The following TNFAIP1 variants were observed in gnomAD, a reference collection of about 807,000 sequenced individuals.
The protein encoded by TNFAIP1 is TNF alpha induced protein 1, also known as BTB/POZ domain-containing adapter for CUL3-mediated RhoA degradation protein 2.
TNFAIP1 carries 20 observed loss-of-function variants against 32.6 expected under a neutral mutation model. That is an observed-to-expected ratio of 0.61 (90% CI 0.43 to 0.89). The LOEUF (loss-of-function observed/expected upper bound fraction) is 0.89. TNFAIP1 is among the 40% of genes least tolerant of loss of function. TNFAIP1 has a pLI of 0.00. For missense variants in TNFAIP1, 319 were observed against 425.1 expected (o/e 0.75, Z 2.20); for synonymous variants, 166 against 166.8 (o/e 1.00, Z 0.04).
Position 28,340,226 on chromosome 17 carries a change from G to A in TNFAIP1, c.206-83G>A. On this transcript the variant is annotated intron_variant, in intron 2 of 6. Coordinates refer to ENST00000226225, the MANE Select transcript of TNFAIP1 (RefSeq NM_021137.5). This position sits in a 1 kb window ranked among gnomAD's most constrained non-coding sequence, Gnocchi z 4.1. Reference sequence around the variant, plus strand: ...TCGTGGACCCCCTTCCCTGCCACCTGCCGCCAGCTTGTCAGGTGGCCTTTG... The same window carrying A: ...TCGTGGACCCCCTTCCCTGCCACCTACCGCCAGCTTGTCAGGTGGCCTTTG... The A allele has an allele frequency of 6.8e-7, 1 of 1,472,140 alleles. No individual in the cohort carries two copies. The highest frequency in any genetic ancestry group is 9.4e-7 in the Non-Finnish European group (1 of 1,068,434). The allele number at this position is 1,472,140 out of a possible 1,614,324, so 91.2% of individuals were successfully genotyped here.
In TNFAIP1 at chr17:28,341,411, TGAAGCTGCTGTACAACA is replaced by T. The variant is rs781919082; in HGVS notation, c.479_495del (p.Leu160GlnfsTer11). On this transcript the variant is annotated frameshift_variant, in exon 5 of 7. Coordinates refer to ENST00000226225, the MANE Select transcript of TNFAIP1 (RefSeq NM_021137.5). LOFTEE classifies it high-confidence loss of function. ...CTCTGAACTCCTTCACAGCCCGTGGTGAAGCTGCTGTACAACAGAAGCAACAACAAGTATTCCTACAC... is the reference window on the plus strand; with the variant it reads ...CTCTGAACTCCTTCACAGCCCGTGGTGAAGCAACAACAAGTATTCCTACAC... 18 of 1,614,064 alleles carry T rather than the reference TGAAGCTGCTGTACAACA, an allele frequency of 1.1e-5. No individual in the cohort carries two copies. The highest frequency in any genetic ancestry group is 1.6e-4 in the Middle Eastern group (1 of 6,084).
Position 28,340,982 on chromosome 17 carries a change from T to A in TNFAIP1, c.376-255T>A, listed in dbSNP as rs1907342584. On this transcript the variant is annotated intron_variant, in intron 3 of 6. Transcript: ENST00000226225. The surrounding 1 kb of genome is among the most constrained non-coding windows in gnomAD (Gnocchi z 4.1). Reference sequence around the variant, plus strand: ...CTAGTCTCGAACTGCTGGGCTCAAGTGATCTGCCTGCCTCAGCCTCCCAAA... The same window carrying A: ...CTAGTCTCGAACTGCTGGGCTCAAGAGATCTGCCTGCCTCAGCCTCCCAAA... 2.0e-5 allele frequency among the ~76,000 whole-genome samples: 3 copies of A among 152,152 alleles called. No individual in the cohort carries two copies. Among genetic ancestry groups the A allele is most frequent in the Non-Finnish European group, 4.4e-5 (3 of 68,018 alleles).
Position 28,346,362 on chromosome 17 carries a change from G to C in TNFAIP1, c.*1762G>C, listed in dbSNP as rs569505060. Reference sequence around the variant, plus strand: ...GACTTTCCCACAGAGACTGGAATGCGTCAGCCTGAGACCACTGGCCTATTT... The same window carrying C: ...GACTTTCCCACAGAGACTGGAATGCCTCAGCCTGAGACCACTGGCCTATTT... On this transcript the variant is annotated 3_prime_UTR_variant, in exon 7 of 7. Coordinates refer to ENST00000226225, the MANE Select transcript of TNFAIP1 (RefSeq NM_021137.5). 6.6e-6 allele frequency: 1 copy of C among 152,140 alleles called. No individual in the cohort carries two copies. Among genetic ancestry groups the C allele is most frequent in the Non-Finnish European group, 1.5e-5 (1 of 68,044 alleles). 9.4% of individuals were successfully genotyped at this position (152,140 alleles called of 1,614,324 possible).
At position 28,342,317 on chromosome 17, in the gene TNFAIP1, G is replaced by A. The variant is rs571193496; in HGVS notation, c.589G>A (p.Val197Met). The A allele has an allele frequency of 3.1e-6, 5 of 1,604,872 alleles. No homozygotes were observed. Among genetic ancestry groups the A allele is most frequent in the South Asian group, 1.1e-5 (1 of 90,846 alleles). Residue 197 changes from valine (V) to methionine (M), a missense_variant, in exon 6 of 7, where the codon GTG becomes ATG. Transcript: ENST00000226225. This position sits in a 1 kb window ranked among gnomAD's most constrained non-coding sequence, Gnocchi z 4.0. Reference sequence around the variant, plus strand: ...GCTCTCCCTGCGCTTCAACGGCCGCGTGCTCTTCATCAAGGATGTCATTGG... The same window carrying A: ...GCTCTCCCTGCGCTTCAACGGCCGCATGCTCTTCATCAAGGATGTCATTGG... ...DKLSLRFNGRVLFIKDVIGDE... is the reference protein window; with the variant it reads ...DKLSLRFNGRMLFIKDVIGDE...
In TNFAIP1 at chr17:28,346,386, T is replaced by TTTC. The variant is rs1907566291; in HGVS notation, c.*1788_*1790dup. ...CGTCAGCCTGAGACCACTGGCCTAT[T>TTTC]TTCTCAGCTGCCCTCTTGAGGTCCT... On this transcript the variant is annotated 3_prime_UTR_variant, in exon 7 of 7. Coordinates refer to ENST00000226225, the MANE Select transcript of TNFAIP1 (RefSeq NM_021137.5). 1 of 152,160 alleles carries TTTC rather than the reference T, an allele frequency of 6.6e-6. No individual in the cohort carries two copies. The highest frequency in any genetic ancestry group is 1.5e-5 in the Non-Finnish European group (1 of 68,030). The allele number at this position is 152,160 out of a possible 1,614,324, so 9.4% of individuals were successfully genotyped here. A position where few individuals can be genotyped will look rare whatever the true frequency, so the allele number is the denominator to read the frequency against.
rs1555578691 is a variant in TNFAIP1 at position 28,344,758 on chromosome 17, G to A, written c.*158G>A. 1 of 699,750 alleles carries A rather than the reference G, an allele frequency of 1.4e-6. No homozygotes were observed. The highest frequency in any genetic ancestry group is 1.8e-5 in the African/African-American group (1 of 56,228). 43.3% of individuals were successfully genotyped at this position (699,750 alleles called of 1,614,324 possible). ...AGGTCAGAGGGTCTGGGCAGAGGAG[G>A]GACCACATTCCCCTGCCTTGCCCCT... On this transcript the variant is annotated 3_prime_UTR_variant, in exon 7 of 7. Coordinates refer to ENST00000226225, the MANE Select transcript of TNFAIP1 (RefSeq NM_021137.5).
Position 28,344,884 on chromosome 17 carries a change from T to G in TNFAIP1, c.*284T>G. On this transcript the variant is annotated 3_prime_UTR_variant, in exon 7 of 7. Transcript: ENST00000226225. Reference sequence around the variant, plus strand: ...CCTGGGGCATATGGACTGACCCACCTCCTGCTGAGAACCTTCCCCTAGGCC... The same window carrying G: ...CCTGGGGCATATGGACTGACCCACCGCCTGCTGAGAACCTTCCCCTAGGCC... 2.1e-6 allele frequency: 1 copy of G among 487,310 alleles called. No homozygotes were observed. The highest frequency in any genetic ancestry group is 3.7e-6 in the Non-Finnish European group (1 of 267,018). 30.2% of individuals were successfully genotyped at this position (487,310 alleles called of 1,614,324 possible).
Position 28,339,629 on chromosome 17 carries a change from C to T in TNFAIP1, c.108C>T (p.Gly36=). 6.2e-7 allele frequency: 1 copy of T among 1,613,936 alleles called. No individual in the cohort carries two copies. Among genetic ancestry groups the T allele is most frequent in the East Asian group, 2.2e-5 (1 of 44,872 alleles). ...GNKYVQLNVG[G]SLYYTTVRAL... is the part of the protein sequence containing the mutation. ...AGTATGTCCAGCTCAACGTGGGCGGCTCTCTGTACTACACCACTGTGCGGG... is the reference window on the plus strand; with the variant it reads ...AGTATGTCCAGCTCAACGTGGGCGGTTCTCTGTACTACACCACTGTGCGGG... Residue 36 remains glycine (G), a synonymous_variant, in exon 2 of 7, where the codon GGC becomes GGT. Transcript: ENST00000226225.
Position 28,344,879 on chromosome 17 carries a change from C to T in TNFAIP1, c.*279C>T. 1 of 497,302 alleles carries T rather than the reference C, an allele frequency of 2.0e-6. No individual in the cohort carries two copies. The highest frequency in any genetic ancestry group is 3.7e-6 in the Non-Finnish European group (1 of 272,292). 30.8% of individuals were successfully genotyped at this position (497,302 alleles called of 1,614,324 possible). On this transcript the variant is annotated 3_prime_UTR_variant, in exon 7 of 7. Transcript: ENST00000226225. The stretch of plus-strand genomic sequence containing the variant: ...TGCTCCCTGGGGCATATGGACTGAC[C>T]CACCTCCTGCTGAGAACCTTCCCCT...
chr17:28,339,856 G>C (rs1422733049), intron 2 of TNFAIP1, 130 bp downstream of exon 2: 9 of 883,128 alleles, frequency 1.0e-5, no homozygotes, highest in Non-Finnish European at 1.5e-5. Flanking sequence ...GTCCCTAGTA[G>C]AGCTTCAGAA....
At chr17:28,341,536 T>G in intron 5 of TNFAIP1, 80 bp downstream of exon 5, 3 of 1,532,228 alleles carry the variant, frequency 2.0e-6, no homozygotes, top group Non-Finnish European at 2.7e-6. Flanking sequence ...ACGGTCGGCG[T>G]GGGTCTGGGC....
chr17:28,337,094 C>T (rs1907199252), intron 1 of TNFAIP1, among the ~76,000 whole-genome samples: 1 of 152,160 alleles, frequency 6.6e-6, no homozygotes, highest in Non-Finnish European at 1.5e-5. Context: ...CCAATGTGGT[C>T]CAGGCTGCCA....
intron 1 of TNFAIP1, among the ~76,000 whole-genome samples, chr17:28,338,772 G>C (rs1260099953): frequency 6.6e-6 from 1 of 151,936 alleles, no homozygotes; most frequent in Non-Finnish European, 1.5e-5. Context: ...AATCTGACTG[G>C]TAGATCTCTA....
chr17:28,340,484 T>C lies in TNFAIP1; in HGVS notation c.375+6T>C, dbSNP rs782517628. The C allele has an allele frequency of 1.2e-6, 2 of 1,605,168 alleles. No homozygotes were observed. On this transcript the variant is annotated splice_donor_region_variant and intron_variant, in intron 3 of 6. Transcript: ENST00000226225. The surrounding 1 kb of genome is among the most constrained non-coding windows in gnomAD (Gnocchi z 4.1). ...TGTGCCAGAGTGCCCTGCAGGTACATGGGTGGGGCGGAGCAGGGCGGGCAG... is the reference window on the plus strand; with the variant it reads ...TGTGCCAGAGTGCCCTGCAGGTACACGGGTGGGGCGGAGCAGGGCGGGCAG...
At position 28,344,751 on chromosome 17, in the gene TNFAIP1, A is replaced by G; in HGVS notation, c.*151A>G. 1.3e-6 allele frequency: 1 copy of G among 750,138 alleles called. No homozygotes were observed. 46.5% of individuals were successfully genotyped at this position (750,138 alleles called of 1,614,324 possible). On this transcript the variant is annotated 3_prime_UTR_variant, in exon 7 of 7. Coordinates refer to ENST00000226225, the MANE Select transcript of TNFAIP1 (RefSeq NM_021137.5). ...TGCTCAGAGGTCAGAGGGTCTGGGCAGAGGAGGGACCACATTCCCCTGCCT... is the reference window on the plus strand; with the variant it reads ...TGCTCAGAGGTCAGAGGGTCTGGGCGGAGGAGGGACCACATTCCCCTGCCT...
Position 28,339,420 on chromosome 17 carries a change from G to A in TNFAIP1, c.-102G>A. ...CTCCCATGTACAGCACTGAGATTAT[G>A]AGGCTCTGGCCTCCACTGGCCACTC... On this transcript the variant is annotated 5_prime_UTR_variant, in exon 2 of 7. It removes an upstream start codon present in the reference 5' UTR. Coordinates refer to ENST00000226225, the MANE Select transcript of TNFAIP1 (RefSeq NM_021137.5). The A allele has an allele frequency of 4.3e-6, 5 of 1,175,922 alleles. No individual in the cohort carries two copies. Among genetic ancestry groups the A allele is most frequent in the Non-Finnish European group, 5.8e-6 (5 of 860,630 alleles). 72.8% of individuals were successfully genotyped at this position (1,175,922 alleles called of 1,614,324 possible).
At chr17:28,337,199 T>G (rs1229210916) in intron 1 of TNFAIP1, among the ~76,000 whole-genome samples, 1 of 152,172 alleles carries the variant, frequency 6.6e-6, no homozygotes, top group Non-Finnish European at 1.5e-5. Context: ...GCAAGTTATC[T>G]TTTCAAAATA....
At position 28,345,352 on chromosome 17, in the gene TNFAIP1, C is replaced by CAA. The variant is rs1242223458; in HGVS notation, c.*753_*754insAA. The CAA allele has an allele frequency of 2.3e-4, 35 of 151,878 alleles. No homozygotes were observed. Among genetic ancestry groups the CAA allele is most frequent in the African/African-American group, 8.5e-4 (35 of 41,352 alleles). 9.4% of individuals were successfully genotyped at this position (151,878 alleles called of 1,614,324 possible). Reference sequence around the variant, plus strand: ...TGGCTTTGCAGCCTGGCCAGCAGCTCAGAGTGCACCGAGGAGGGAAGGATG... The same window carrying CAA: ...TGGCTTTGCAGCCTGGCCAGCAGCTCAAAGAGTGCACCGAGGAGGGAAGGATG... On this transcript the variant is annotated 3_prime_UTR_variant, in exon 7 of 7. Transcript: ENST00000226225.
At position 28,342,539 on chromosome 17, in the gene TNFAIP1, G is replaced by A; in HGVS notation, c.714+97G>A. Reference sequence around the variant, plus strand: ...GACCAGCACGGAGCAAAAGGGGCATGGACTTGGCTCTTTTTTCCAAACACG... The same window carrying A: ...GACCAGCACGGAGCAAAAGGGGCATAGACTTGGCTCTTTTTTCCAAACACG... On this transcript the variant is annotated intron_variant, in intron 6 of 6. Transcript: ENST00000226225. The surrounding 1 kb of genome is among the most constrained non-coding windows in gnomAD (Gnocchi z 4.0). 3 of 1,256,620 alleles carry A rather than the reference G, an allele frequency of 2.4e-6. No individual in the cohort carries two copies. The highest frequency in any genetic ancestry group is 3.2e-6 in the Non-Finnish European group (3 of 934,520). The allele number at this position is 1,256,620 out of a possible 1,614,324, so 77.8% of individuals were successfully genotyped here. A position where few individuals can be genotyped will look rare whatever the true frequency, so the allele number is the denominator to read the frequency against.
Sources: allele counts gnomAD v4.1 joint callset (sites outside exome capture counted in the v4.1 genomes callset), GRCh38; gene constraint gnomAD v4.1.1; non-coding constraint Gnocchi (gnomAD v3.1); transcripts MANE v1.5; gene names NCBI Gene and HGNC (gene_info 2026-07-23, HGNC 2026-07-21).